ZRANB3: variants seen among roughly 807,000 people sequenced by gnomAD.
ZRANB3 encodes zinc finger RANBP2-type containing 3.
In ZRANB3, 125 loss-of-function variants were observed where a neutral mutation model predicts 133.8. The ratio of observed to expected loss-of-function variants is 0.93; its 90% CI spans 0.81 to 1.08. The LOEUF is 1.08. Ranked by LOEUF, ZRANB3 falls within the 50% of genes least tolerant of loss-of-function variation. The pLI, the probability that ZRANB3 is intolerant of heterozygous loss-of-function variation, is 0.00. For missense variants in ZRANB3, 1,229 were observed against 1,275.5 expected (o/e 0.96, Z 0.56); for synonymous variants, 387 against 432.7 (o/e 0.89, Z 1.31).
intron 2 of ZRANB3, among the ~76,000 whole-genome samples, chr2:135,416,743 C>A (rs915229941): frequency 3.0e-4 from 46 of 152,098 alleles, no homozygotes; most frequent in African/African-American, 4.8e-4. Context: ...ACAGCATGGT[C>A]CTGGTACCAA....
chr2:135,526,317 C>T (rs946429738), intron 1 of ZRANB3, among the ~76,000 whole-genome samples: 1 of 151,950 alleles, frequency 6.6e-6, no homozygotes, highest in Admixed American at 6.6e-5. Flanking sequence ...GTGCCCGCCA[C>T]CACACTCAGC....
intron 1 of ZRANB3, among the ~76,000 whole-genome samples, chr2:135,526,961 A>C (rs1694188031): frequency 6.6e-6 from 1 of 152,196 alleles, no homozygotes; most frequent in Non-Finnish European, 1.5e-5. Context: ...GTTTAAATTT[A>C]CCTATAGCCT....
intron 1 of ZRANB3, among the ~76,000 whole-genome samples, chr2:135,514,827 T>C (rs927005207): frequency 1.3e-5 from 2 of 152,016 alleles, no homozygotes; most frequent in South Asian, 2.1e-4. Context: ...ACCTAGTTTA[T>C]TGACAGTTTT....
intron 6 of ZRANB3, among the ~76,000 whole-genome samples, chr2:135,327,898 T>C (rs1683915954): frequency 6.6e-6 from 1 of 152,178 alleles, no homozygotes; most frequent in African/African-American, 2.4e-5. Flanking sequence ...TAAGATAGTA[T>C]TGTGATAAAG....
intron 1 of ZRANB3, among the ~76,000 whole-genome samples, chr2:135,523,197 AACC>A (rs1388939690): frequency 6.6e-6 from 1 of 152,114 alleles, no homozygotes; most frequent in Non-Finnish European, 1.5e-5. Flanking sequence ...CCTTTCCCTA[AACC>A]ACCAAGTTGA....
At chr2:135,260,308 G>A (rs1558868866) in intron 12 of ZRANB3, among the ~76,000 whole-genome samples, 1 of 152,116 alleles carries the variant, frequency 6.6e-6, no homozygotes. Context: ...CACATCTTAG[G>A]CAGTGACCCT....
At chr2:135,353,265 C>A (rs4954245) in intron 4 of ZRANB3, 185 bp downstream of exon 4, 54,716 of 354,442 alleles carry the variant, frequency 0.15, 5,982 homozygotes, top group African/African-American at 0.34. Context: ...GAACTTAGAA[C>A]TAAAATATAC....
chr2:135,458,888 G>T (rs1002723342), intron 2 of ZRANB3, among the ~76,000 whole-genome samples: 1 of 151,868 alleles, frequency 6.6e-6, no homozygotes, highest in Non-Finnish European at 1.5e-5. Flanking sequence ...TTATAAAAAG[G>T]GACAGAAAGA....
At chr2:135,520,251 C>T (rs1693878805) in intron 1 of ZRANB3, among the ~76,000 whole-genome samples, 1 of 151,796 alleles carries the variant, frequency 6.6e-6, no homozygotes, top group Non-Finnish European at 1.5e-5. Flanking sequence ...ATTAGCCGGG[C>T]ATGGTGGCAG....
chr2:135,295,852 G>C (rs1227908822), intron 8 of ZRANB3, among the ~76,000 whole-genome samples: 1 of 152,162 alleles, frequency 6.6e-6, no homozygotes, highest in African/African-American at 2.4e-5. Context: ...AGTTTGGCTG[G>C]ATATGAAATT....
intron 2 of ZRANB3, among the ~76,000 whole-genome samples, chr2:135,451,365 T>G (rs1156565754): frequency 2.7e-5 from 4 of 150,776 alleles, no homozygotes; most frequent in Admixed American, 6.6e-5. Context: ...AGTTCAAGAG[T>G]AGCCTGGCCA....
intron 2 of ZRANB3, among the ~76,000 whole-genome samples, chr2:135,463,651 AG>A (rs1690862628): frequency 6.6e-6 from 1 of 152,108 alleles, no homozygotes; most frequent in Non-Finnish European, 1.5e-5. Flanking sequence ...TCCTGACCTC[AG>A]GTCATCTGCC....
At chr2:135,445,014 T>C (rs567801852) in intron 2 of ZRANB3, among the ~76,000 whole-genome samples, 5 of 152,132 alleles carry the variant, frequency 3.3e-5, no homozygotes, top group South Asian at 2.1e-4. Context: ...CCAACAACAA[T>C]AGGACCTGAA....
intron 8 of ZRANB3, among the ~76,000 whole-genome samples, chr2:135,296,664 T>C (rs1337772008): frequency 6.6e-6 from 1 of 152,214 alleles, no homozygotes; most frequent in Non-Finnish European, 1.5e-5. Context: ...CTCTGATTTT[T>C]AGTGTTTCTG....
intron 2 of ZRANB3, among the ~76,000 whole-genome samples, chr2:135,438,542 C>T (rs1166538339): frequency 6.6e-6 from 1 of 151,608 alleles, no homozygotes; most frequent in Non-Finnish European, 1.5e-5. Context: ...ATTGTATTTC[C>T]TGGCCATAGT....
intron 3 of ZRANB3, among the ~76,000 whole-genome samples, chr2:135,370,292 C>G (rs1366731625): frequency 6.6e-6 from 1 of 151,696 alleles, no homozygotes; most frequent in African/African-American, 2.4e-5. Context: ...AAGCAGTATA[C>G]TCTGCACCCA....
intron 8 of ZRANB3, among the ~76,000 whole-genome samples, chr2:135,305,553 T>C (rs1682639705): frequency 6.6e-6 from 1 of 152,214 alleles, no homozygotes; most frequent in African/African-American, 2.4e-5. Flanking sequence ...TTTATCGTTG[T>C]TTTCTGTATC....
chr2:135,510,662 T>C (rs1276034752), intron 1 of ZRANB3: 5 of 788,886 alleles, frequency 6.3e-6, no homozygotes, highest in Non-Finnish European at 1.2e-5. Flanking sequence ...CCAGGTCCCC[T>C]AAGGCGATCA....
chr2:135,396,339 A>G (rs1259419039), intron 2 of ZRANB3, among the ~76,000 whole-genome samples: 3 of 151,748 alleles, frequency 2.0e-5, no homozygotes, highest in East Asian at 1.9e-4. Flanking sequence ...GGAAATTAGT[A>G]TATCAAAGAG....
Sources: allele counts gnomAD v4.1 joint callset (sites outside exome capture counted in the v4.1 genomes callset), GRCh38; gene constraint gnomAD v4.1.1; transcripts MANE v1.5; gene names NCBI Gene and HGNC (gene_info 2026-07-23, HGNC 2026-07-21).